Variants in FUT9 observed in about 807,000 individuals in gnomAD.
FUT9 encodes the protein fucosyltransferase 9.
In FUT9, 15 loss-of-function variants were observed where a neutral mutation model predicts 29.7. That is an observed-to-expected ratio of 0.51 (90% confidence interval 0.34 to 0.78). FUT9 has a LOEUF of 0.78. Among genes scored for constraint, FUT9 ranks in the 30% least tolerant of loss-of-function variants. FUT9 has a pLI of 0.01. For synonymous variants in FUT9, 169 were observed against 153.7 expected, an observed-to-expected ratio of 1.10 and a Z score of -0.74; for missense variants, 319 against 425.4, an observed-to-expected ratio of 0.75 and a Z score of 2.20.
chr6:96,020,862 G>T (rs1052638873), intron 1 of FUT9: 14 of 152,132 alleles, frequency 9.2e-5, no homozygotes, highest in African/African-American at 3.1e-4. Flanking sequence ...TGGATGAGAG[G>T]AAAACTACAC....
chr6:96,070,668 C>G (rs1032918979), intron 1 of FUT9, among the ~76,000 whole-genome samples: 1 of 151,850 alleles, frequency 6.6e-6, no homozygotes. Context: ...GCCTGAGCGA[C>G]AGAGGAAAAC....
intron 2 of FUT9, among the ~76,000 whole-genome samples, chr6:96,132,710 G>T (rs1772269710): frequency 6.6e-6 from 1 of 151,898 alleles, no homozygotes; most frequent in African/African-American, 2.4e-5. Flanking sequence ...CTTTATATGA[G>T]AAAATATTTT....
intron 2 of FUT9, among the ~76,000 whole-genome samples, chr6:96,122,701 A>G (rs1362931985): frequency 6.6e-6 from 1 of 152,116 alleles, no homozygotes; most frequent in East Asian, 1.9e-4. Context: ...TAACACTTCA[A>G]TTTAAATATT....
At chr6:96,093,021 G>A (rs1771437864) in intron 1 of FUT9, among the ~76,000 whole-genome samples, 2 of 152,074 alleles carry the variant, frequency 1.3e-5, no homozygotes, top group Non-Finnish European at 2.9e-5. Context: ...TCCTGCCTTG[G>A]CCTCCTAAAG....
At position 96,019,843 on chromosome 6, in the gene FUT9, TG is replaced by T. The variant is rs1163267367; in HGVS notation, c.-98+3632del. Among the ~76,000 whole-genome samples, 6 of 152,230 alleles carry T rather than the reference TG, an allele frequency of 3.9e-5. No homozygotes were observed. In the South Asian group the frequency reaches 1.0e-3, roughly 26 times the overall value. ...CATTTCTGTTACTCTACTAATGACT[TG>T]CTCAAAGTTTCAAAGTAGTTAATAG... On this transcript the variant is annotated intron_variant, in intron 1 of 2. Coordinates refer to ENST00000302103, the MANE Select transcript of FUT9 (RefSeq NM_006581.4).
chr6:96,063,700 CATGGATGGAT>C (rs1770914872), intron 1 of FUT9, among the ~76,000 whole-genome samples: 1 of 152,022 alleles, frequency 6.6e-6, no homozygotes, highest in Non-Finnish European at 1.5e-5. Flanking sequence ...ATTGCAGGGT[CATGGATGGAT>C]AAAGTTACTG....
At chr6:96,120,257 T>G (rs1771997102) in intron 2 of FUT9, among the ~76,000 whole-genome samples, 10 of 145,948 alleles carry the variant, frequency 6.9e-5, no homozygotes, top group Admixed American at 6.5e-4. Flanking sequence ...ACCCACTTTT[T>G]CTTTTTTCTT....
At chr6:96,174,601 A>C (rs1773171231) in intron 2 of FUT9, among the ~76,000 whole-genome samples, 1 of 152,098 alleles carries the variant, frequency 6.6e-6, no homozygotes, top group African/African-American at 2.4e-5. Context: ...GGGGTCTCTA[A>C]ATAAGAGGCT....
At chr6:96,132,184 G>GT (rs34283208) in intron 2 of FUT9, among the ~76,000 whole-genome samples, 12,408 of 151,648 alleles carry the variant, frequency 0.082, 629 homozygotes, top group Middle Eastern at 0.11. Flanking sequence ...GATATTATTT[G>GT]TTTTTTTAAT....
At chr6:96,170,645 A>G (rs1445886851) in intron 2 of FUT9, among the ~76,000 whole-genome samples, 1 of 152,122 alleles carries the variant, frequency 6.6e-6, no homozygotes, top group African/African-American at 2.4e-5. Flanking sequence ...GTTGAAAACA[A>G]TGGTTTTCCT....
chr6:96,069,930 T>C (rs1174607721), intron 1 of FUT9, among the ~76,000 whole-genome samples: 1 of 151,868 alleles, frequency 6.6e-6, no homozygotes, highest in Non-Finnish European at 1.5e-5. Flanking sequence ...CGCACCCAGC[T>C]AACAGAGCAA....
At chr6:96,036,124 C>G (rs1770361828) in intron 1 of FUT9, among the ~76,000 whole-genome samples, 1 of 143,768 alleles carries the variant, frequency 7.0e-6, no homozygotes, top group Non-Finnish European at 1.5e-5. Flanking sequence ...TATGAAAGTT[C>G]TCATCTGCAA....
At chr6:96,023,804 A>G (rs920686708) in intron 1 of FUT9, among the ~76,000 whole-genome samples, 6 of 151,818 alleles carry the variant, frequency 4.0e-5, no homozygotes, top group African/African-American at 1.2e-4. Flanking sequence ...CTTAGCACCC[A>G]TGTTCCCTTC....
intron 2 of FUT9, among the ~76,000 whole-genome samples, chr6:96,142,257 T>G (rs1179138632): frequency 6.6e-6 from 1 of 152,148 alleles, no homozygotes; most frequent in African/African-American, 2.4e-5. Flanking sequence ...AAGCGATAAG[T>G]GATACTAAAG....
intron 2 of FUT9, among the ~76,000 whole-genome samples, chr6:96,194,574 A>C (rs1225853163): frequency 2.0e-5 from 3 of 152,144 alleles, no homozygotes; most frequent in Admixed American, 1.3e-4. Flanking sequence ...TTAGGTGTGG[A>C]TATGAAGGAA....
chr6:96,135,392 G>A (rs1772328005), intron 2 of FUT9, among the ~76,000 whole-genome samples: 1 of 151,842 alleles, frequency 6.6e-6, no homozygotes, highest in African/African-American at 2.4e-5. Flanking sequence ...AGAAATGAAT[G>A]AGCACTACTT....
chr6:96,123,152 G>C (rs1204174412), intron 2 of FUT9, among the ~76,000 whole-genome samples: 2 of 143,652 alleles, frequency 1.4e-5, no homozygotes, highest in African/African-American at 5.3e-5. Flanking sequence ...GCATAACAAA[G>C]ATTATGCATA....
chr6:96,158,447 A>G (rs1160651814), intron 2 of FUT9, among the ~76,000 whole-genome samples: 1 of 152,118 alleles, frequency 6.6e-6, no homozygotes, highest in Non-Finnish European at 1.5e-5. Flanking sequence ...GTTATTCTTC[A>G]GGAGCATTTT....
chr6:96,076,383 A>G (rs1185610998), intron 1 of FUT9, among the ~76,000 whole-genome samples: 1 of 152,250 alleles, frequency 6.6e-6, no homozygotes, highest in African/African-American at 2.4e-5. Flanking sequence ...AGGGCTTTCA[A>G]GTGGCTATTG....
Sources: gnomAD v4.1 joint callset for allele counts (sites outside exome capture counted in the v4.1 genomes callset) on GRCh38, gnomAD v4.1.1 for gene constraint, MANE v1.5 for transcripts, NCBI Gene and HGNC (gene_info 2026-07-23, HGNC 2026-07-21) for gene names.